Variants in RNF213 observed in about 807,000 individuals in gnomAD.
RNF213 encodes the protein E3 ubiquitin-protein ligase RNF213.
A neutral mutation model predicts 514.4 loss-of-function variants in RNF213; 341 were observed. That is an observed-to-expected ratio of 0.66 (90% confidence interval 0.61 to 0.73). The LOEUF (loss-of-function observed/expected upper bound fraction) is 0.73. Ranked by LOEUF, RNF213 falls within the 30% of genes least tolerant of loss-of-function variation. The pLI, the probability that RNF213 is intolerant of heterozygous loss-of-function variation, is 0.00. For missense variants in RNF213, 5,767 were observed against 6,615.6 expected (o/e 0.87, Z 4.45); for synonymous variants, 2,655 against 2,658.2 (o/e 1.00, Z 0.04).
intron 13 of RNF213, among the ~76,000 whole-genome samples, chr17:80,307,840 A>G (rs886762006): frequency 2.1e-5 from 3 of 145,290 alleles, no homozygotes; most frequent in African/African-American, 7.7e-5. Context: ...GTGAGCCACC[A>G]TGCCTGGCCG....
At chr17:80,336,052 A>C in intron 22 of RNF213, 109 bp from the exon 23 acceptor site, 1 of 885,462 alleles carries the variant, frequency 1.1e-6, no homozygotes, top group East Asian at 2.7e-5. Context: ...CAGAACCTTA[A>C]AAATTCATGA....
At chr17:80,300,345 G>A (rs560117182) in intron 11 of RNF213, among the ~76,000 whole-genome samples, 1 of 151,140 alleles carries the variant, frequency 6.6e-6, no homozygotes, top group Non-Finnish European at 1.5e-5. Context: ...GCTCACTGCA[G>A]CCTCTGCCTC....
At chr17:80,373,422 T>C (rs1348533233) in intron 49 of RNF213, among the ~76,000 whole-genome samples, 1 of 151,800 alleles carries the variant, frequency 6.6e-6, no homozygotes, top group Non-Finnish European at 1.5e-5. Flanking sequence ...ACCTGCCGCT[T>C]GTCTGTCTGG....
intron 17 of RNF213, chr17:80,320,075 C>A: frequency 1.0e-6 from 1 of 969,466 alleles, no homozygotes; most frequent in Non-Finnish European, 1.2e-6. Context: ...TCCAGTTCAG[C>A]AGGTTTTGGG....
intron 55 of RNF213, among the ~76,000 whole-genome samples, chr17:80,380,526 C>A (rs1047777073): frequency 2.6e-4 from 40 of 152,194 alleles, no homozygotes; most frequent in African/African-American, 8.9e-4. Flanking sequence ...CGCTCCTCTC[C>A]TGACAAAGAC....
intron 18 of RNF213, 88 bp from the exon 19 acceptor site, chr17:80,327,728 C>A: frequency 8.5e-7 from 1 of 1,180,598 alleles, no homozygotes; most frequent in Non-Finnish European, 1.2e-6. Flanking sequence ...GGGGGCAGAA[C>A]AAGAGGTTAT....
At chr17:80,300,842 A>G (rs1329045206) in intron 11 of RNF213, among the ~76,000 whole-genome samples, 1 of 152,184 alleles carries the variant, frequency 6.6e-6, no homozygotes, top group Non-Finnish European at 1.5e-5. Context: ...GTGAGCCACC[A>G]TGCCCGGCCT....
intron 1 of RNF213, among the ~76,000 whole-genome samples, chr17:80,261,709 G>A (rs1278518851): frequency 6.6e-6 from 1 of 152,244 alleles, no homozygotes; most frequent in East Asian, 1.9e-4. Context: ...GGCCCCTAGA[G>A]CAGATGGAAC....
rs748684402 is a variant in RNF213, at chr17:80,376,314, T to C, written c.13199T>C (p.Val4400Ala). 1.2e-6 allele frequency: 2 copies of C among 1,614,224 alleles called. No individual in the cohort carries two copies. Among genetic ancestry groups the C allele is most frequent in the South Asian group, 2.2e-5 (2 of 91,086 alleles). Reference protein sequence around the residue: ...LHPTPEQCEAVSKFIGECKIL... With the variant: ...LHPTPEQCEAASKFIGECKIL... ...TTTTCCTGTCAGCAATGTGAAGCTG[T>C]GAGCAAATTCATTGGCGAATGCAAG... Residue 4400 changes from valine (V) to alanine (A), a missense_variant, in exon 52 of 68, where the codon GTG (valine) becomes GCG (alanine). By Grantham distance (64) the Val-to-Ala change is moderately conservative. Coordinates refer to ENST00000582970, the MANE Select transcript of RNF213 (RefSeq NM_001256071.3).
intron 55 of RNF213, 79 bp from the exon 56 acceptor site, chr17:80,380,752 C>T (rs544621411): frequency 6.6e-7 from 1 of 1,514,394 alleles, no homozygotes; most frequent in South Asian, 1.1e-5. Context: ...CCGTAAGCCT[C>T]ACTCCAAGTG....
At chr17:80,365,223 G>A (rs868724952) in intron 42 of RNF213, 27 of 154,286 alleles carry the variant, frequency 1.7e-4, no homozygotes, top group Admixed American at 3.8e-4. Context: ...AGGGGGTCTG[G>A]AAGAGGCAGC....
intron 63 of RNF213, among the ~76,000 whole-genome samples, chr17:80,387,866 C>T (rs769091450): frequency 3.9e-5 from 6 of 152,194 alleles, no homozygotes; most frequent in Non-Finnish European, 7.3e-5. Context: ...TGACTGGACG[C>T]ACTTGTTCCT....
At chr17:80,282,891 T>C (rs545104369) in intron 3 of RNF213, among the ~76,000 whole-genome samples, 1 of 150,928 alleles carries the variant, frequency 6.6e-6, no homozygotes, top group African/African-American at 2.4e-5. Context: ...AGAGATGGGG[T>C]TTCCCCATGT....
rs2079001931 is a variant in RNF213, at chr17:80,360,165, A to C, written c.11159A>C (p.Glu3720Ala). ...PFSWKIKDYL[E>A]ELWVQAQYIT... ...AGCTGGAAAATCAAGGACTATCTGG[A>C]GGAGCTGTGGGTCCAGGCTCAGTAC... is the stretch of plus-strand genomic sequence containing the variant. The change falls in exon 38 of 68, where the codon GAG (glutamate) becomes GCG (alanine). Residue 3720 changes from glutamate to alanine, a missense_variant. Physicochemically the swap from Glu to Ala is moderately radical, Grantham distance 107. Coordinates refer to ENST00000582970, the MANE Select transcript of RNF213 (RefSeq NM_001256071.3). 1 of 1,613,994 alleles carries C rather than the reference A, an allele frequency of 6.2e-7. No individual in the cohort carries two copies. Among genetic ancestry groups the C allele is most frequent in the Non-Finnish European group, 8.5e-7 (1 of 1,179,956 alleles).
chr17:80,379,749 A>G, intron 55 of RNF213, 35 bp downstream of exon 55: 1 of 1,575,948 alleles, frequency 6.3e-7, no homozygotes. Context: ...CTAAGTACTC[A>G]AACTTTGGGG....
At chr17:80,287,759 C>T (rs568192575) in intron 3 of RNF213, 56 bp from the exon 4 acceptor site, 283 of 1,579,450 alleles carry the variant, frequency 1.8e-4, no homozygotes, top group African/African-American at 4.2e-4. Context: ...GAGGGAAACA[C>T]GGGCTAGAGT....
intron 67 of RNF213, among the ~76,000 whole-genome samples, chr17:80,390,525 T>C (rs1225009731): frequency 1.3e-5 from 2 of 152,082 alleles, no homozygotes; most frequent in African/African-American, 4.8e-5. Context: ...GCTTCCCAAA[T>C]AGCTGGGACT....
Position 80,339,147 on chromosome 17 carries a change from G to T in RNF213, c.4834-54G>T. On this transcript the variant is annotated intron_variant, in intron 25 of 67. Transcript: ENST00000582970. Reference sequence around the variant, plus strand: ...GGCCTGTGTGCTGTTGCAGAGTAGCGTGTTACCCTCTCGCATGGCTCTGTG... The same window carrying T: ...GGCCTGTGTGCTGTTGCAGAGTAGCTTGTTACCCTCTCGCATGGCTCTGTG... 1.0e-5 allele frequency: 14 copies of T among 1,395,652 alleles called. 1 individual carries two copies. The South Asian group carries it at 2.1e-4, about 21-fold the overall frequency. 86.5% of individuals were successfully genotyped at this position (1,395,652 alleles called of 1,614,324 possible).
At chr17:80,358,601 T>C in intron 37 of RNF213, 122 bp downstream of exon 37, 1 of 840,856 alleles carries the variant, frequency 1.2e-6, no homozygotes, top group Non-Finnish European at 2.0e-6. Flanking sequence ...TTGACATGGG[T>C]GCTTTCTGCA....
Sources: gnomAD v4.1 joint callset for allele counts (sites outside exome capture counted in the v4.1 genomes callset) on GRCh38, gnomAD v4.1.1 for gene constraint, MANE v1.5 for transcripts, NCBI Gene and HGNC (gene_info 2026-07-23, HGNC 2026-07-21) for gene names.